ARFGEF2: variants seen among roughly 807,000 people sequenced by gnomAD.
ARFGEF2 encodes brefeldin A-inhibited guanine nucleotide-exchange protein 2.
A neutral mutation model predicts 219.9 loss-of-function variants in ARFGEF2; 74 were observed. That is an observed-to-expected ratio of 0.34 (90% confidence interval 0.28 to 0.41). ARFGEF2 has a LOEUF of 0.41. ARFGEF2 is among the 10% of genes least tolerant of loss of function. ARFGEF2 has a pLI of 1.00. For synonymous variants in ARFGEF2, 733 were observed against 799.2 expected (o/e 0.92, Z 1.40); for missense variants, 1,743 against 2,218.3 (o/e 0.79, Z 4.30).
In ARFGEF2 at chr20:48,972,436, C is replaced by T. The variant is rs776828829; in HGVS notation, c.1525+11C>T. The stretch of plus-strand genomic sequence containing the variant: ...CGAGGATCTGTGCAGGTATTTCCAC[C>T]TGGGGACACTCATCCACTGGACTTC... On this transcript the variant is annotated intron_variant, in intron 11 of 38. Transcript: ENST00000371917. The T allele has an allele frequency of 3.1e-6, 5 of 1,595,098 alleles. No homozygotes were observed. The highest frequency in any genetic ancestry group is 2.7e-5 in the African/African-American group (2 of 74,500).
In ARFGEF2 at chr20:49,035,730, C is replaced by T. The variant is rs1259602857; in HGVS notation, c.*2531C>T. ...AGTGTTGATTATATGTGCTGGGTCT[C>T]TAGAGAAGTTTTTATTTGTTACAAT... is the stretch of plus-strand genomic sequence containing the variant. On this transcript the variant is annotated 3_prime_UTR_variant, in exon 39 of 39. Transcript: ENST00000371917. The T allele has an allele frequency of 6.5e-6, 1 of 153,368 alleles. No homozygotes were observed. The highest frequency in any genetic ancestry group is 1.5e-5 in the Non-Finnish European group (1 of 68,936). 9.5% of individuals were successfully genotyped at this position (153,368 alleles called of 1,614,324 possible).
chr20:48,974,802 G>A lies in ARFGEF2; in HGVS notation c.1702G>A (p.Val568Met), dbSNP rs1555810703. Reference sequence around the variant, plus strand: ...GAGGAAGAAAGGCCTGGAGTGCCTCGTGTCCATTCTCAAGTGCATGGTGGA... The same window carrying A: ...GAGGAAGAAAGGCCTGGAGTGCCTCATGTCCATTCTCAAGTGCATGGTGGA... Reference protein sequence around the residue: ...SLRKKGLECLVSILKCMVEWS... With the variant: ...SLRKKGLECLMSILKCMVEWS... The change falls in exon 13 of 39, where the codon GTG (valine) becomes ATG (methionine). Residue 568 changes from valine to methionine, a missense_variant. Val to Met is a conservative substitution (Grantham distance 21). Around this residue, in one of 5 missense-constraint regions of ARFGEF2, gnomAD observed 666 missense variants for 955.4 expected, o/e 0.70. Transcript: ENST00000371917. 5 of 1,613,886 alleles carry A rather than the reference G, an allele frequency of 3.1e-6. No individual in the cohort carries two copies. Among genetic ancestry groups the A allele is most frequent in the Non-Finnish European group, 4.2e-6 (5 of 1,179,912 alleles).
chr20:48,940,334 A>G (rs1261515244), intron 1 of ARFGEF2, among the ~76,000 whole-genome samples: 1 of 152,238 alleles, frequency 6.6e-6, no homozygotes, highest in East Asian at 1.9e-4. Flanking sequence ...GGTTATGTAT[A>G]TTTTATTATA....
chr20:48,922,028 G>A lies in ARFGEF2; in HGVS notation c.121+18G>A. On this transcript the variant is annotated intron_variant, in intron 1 of 38. Transcript: ENST00000371917. ...GGCGCTCGGTGGGTGAGCCGCTCCCGCCCTGCCCCGCGCTGGCCTCAGCAC... is the reference window on the plus strand; with the variant it reads ...GGCGCTCGGTGGGTGAGCCGCTCCCACCCTGCCCCGCGCTGGCCTCAGCAC... 1 of 1,563,220 alleles carries A rather than the reference G, an allele frequency of 6.4e-7. No homozygotes were observed. The highest frequency in any genetic ancestry group is 1.2e-5 in the South Asian group (1 of 85,308).
chr20:49,023,218 C>T (rs774773794), intron 35 of ARFGEF2, 37 bp downstream of exon 35: 17 of 1,612,768 alleles, frequency 1.1e-5, no homozygotes, highest in Admixed American at 1.7e-5. Flanking sequence ...CATCCCTGTC[C>T]ATAGGGAGGT....
At chr20:48,972,903 G>GA (rs1200898327) in intron 11 of ARFGEF2, among the ~76,000 whole-genome samples, 1 of 152,150 alleles carries the variant, frequency 6.6e-6, no homozygotes, top group Non-Finnish European at 1.5e-5. Flanking sequence ...TCCTTGATGA[G>GA]AAAATTGAGG....
intron 34 of ARFGEF2, among the ~76,000 whole-genome samples, chr20:49,020,254 A>C (rs1198285151): frequency 2.6e-5 from 4 of 152,216 alleles, no homozygotes; most frequent in African/African-American, 9.6e-5. Context: ...CATAGCTGTT[A>C]ACATTGAAGT....
chr20:48,992,334 A>G (rs1211616940), intron 21 of ARFGEF2, among the ~76,000 whole-genome samples: 3 of 152,152 alleles, frequency 2.0e-5, no homozygotes, highest in Non-Finnish European at 2.9e-5. Context: ...TCTGCCATCT[A>G]CATGTATTAC....
chr20:48,999,087 A>C (rs1041721230), intron 25 of ARFGEF2, among the ~76,000 whole-genome samples: 2 of 152,018 alleles, frequency 1.3e-5, no homozygotes, highest in East Asian at 3.9e-4. Context: ...AATGCAAAAA[A>C]ATTAGCTGGG....
chr20:49,032,319 G>C (rs1022688), intron 38 of ARFGEF2, among the ~76,000 whole-genome samples, 153 bp downstream of exon 38: 4 of 151,786 alleles, frequency 2.6e-5, no homozygotes, highest in African/African-American at 4.9e-5. Context: ...AAGTTAATCC[G>C]TTATGGACAA....
chr20:48,995,817 G>A lies in ARFGEF2; in HGVS notation c.3156G>A (p.Gln1052=), dbSNP rs1368856239. Residue 1052 remains glutamine, a synonymous_variant, in exon 23 of 39, where the codon CAG becomes CAA. Transcript: ENST00000371917. ...NLVSGGVDKR[Q]MASFQESVGE... ...TGAGTGGCGGAGTGGATAAAAGACAGATGGCCAGCTTCCAAGAATCGGTTG... is the reference window on the plus strand; with the variant it reads ...TGAGTGGCGGAGTGGATAAAAGACAAATGGCCAGCTTCCAAGAATCGGTTG... 1 of 1,614,202 alleles carries A rather than the reference G, an allele frequency of 6.2e-7. No homozygotes were observed. The highest frequency in any genetic ancestry group is 1.7e-5 in the Admixed American group (1 of 60,018).
At position 48,921,819 on chromosome 20, in the gene ARFGEF2, C is replaced by T; in HGVS notation, c.-71C>T. 1.5e-6 allele frequency: 2 copies of T among 1,323,160 alleles called. No individual in the cohort carries two copies. Among genetic ancestry groups the T allele is most frequent in the South Asian group, 1.9e-5 (1 of 53,350 alleles). 82.0% of individuals were successfully genotyped at this position (1,323,160 alleles called of 1,614,324 possible). A position where few individuals can be genotyped will look rare whatever the true frequency, so the allele number is the denominator to read the frequency against. Reference sequence around the variant, plus strand: ...GCCGGTGCCGGCCGGGACGCCGGGCCCGCAGCCTAGCTCGCCATCTCGCTC... The same window carrying T: ...GCCGGTGCCGGCCGGGACGCCGGGCTCGCAGCCTAGCTCGCCATCTCGCTC... On this transcript the variant is annotated 5_prime_UTR_variant, in exon 1 of 39. Coordinates refer to ENST00000371917, the MANE Select transcript of ARFGEF2 (RefSeq NM_006420.3).
chr20:49,006,018 G>C (rs900034013), intron 26 of ARFGEF2, among the ~76,000 whole-genome samples: 3 of 151,996 alleles, frequency 2.0e-5, no homozygotes, highest in African/African-American at 7.2e-5. Context: ...GTGTTTGGCC[G>C]GGCGCGGTGG....
intron 1 of ARFGEF2, among the ~76,000 whole-genome samples, chr20:48,937,195 G>A (rs2090963898): frequency 6.6e-6 from 1 of 152,204 alleles, no homozygotes; most frequent in Admixed American, 6.5e-5. Context: ...ATTATTAGCA[G>A]TAACTTCCTG....
intron 10 of ARFGEF2, 140 bp from the exon 11 acceptor site, chr20:48,972,186 G>A: frequency 1.4e-6 from 1 of 691,060 alleles, no homozygotes; most frequent in South Asian, 1.5e-5. Flanking sequence ...TTGCTGCCCA[G>A]CCAGGTGGGC....
rs756511911 is a variant in ARFGEF2 at position 48,951,505 on chromosome 20, TAGAA to T, written c.423+39_423+42del. ...TTGTTTGCCTGTCTGGTTTTTAAATTAGAAAGCAAGTCCCTGTGGGAATCTGGAT... is the reference window on the plus strand; with the variant it reads ...TTGTTTGCCTGTCTGGTTTTTAAATTAGCAAGTCCCTGTGGGAATCTGGAT... On this transcript the variant is annotated intron_variant, in intron 4 of 38. Coordinates refer to ENST00000371917, the MANE Select transcript of ARFGEF2 (RefSeq NM_006420.3). 9.3e-6 allele frequency: 15 copies of T among 1,613,744 alleles called. No homozygotes were observed. In the East Asian group the frequency reaches 3.1e-4, roughly 34 times the overall value.
chr20:48,965,605 A>G (rs1213521138), intron 7 of ARFGEF2, among the ~76,000 whole-genome samples: 3 of 152,174 alleles, frequency 2.0e-5, no homozygotes, highest in African/African-American at 7.2e-5. Context: ...GCTGCATTGC[A>G]CAGTTCTGGA....
chr20:48,921,839 TC>T lies in ARFGEF2; in HGVS notation c.-50del. 6.9e-7 allele frequency: 1 copy of T among 1,459,290 alleles called. No individual in the cohort carries two copies. The highest frequency in any genetic ancestry group is 9.1e-7 in the Non-Finnish European group (1 of 1,098,064). The allele number at this position is 1,459,290 out of a possible 1,614,324, so 90.4% of individuals were successfully genotyped here. On this transcript the variant is annotated 5_prime_UTR_variant, in exon 1 of 39. Transcript: ENST00000371917. ...CGGGCCCGCAGCCTAGCTCGCCATC[TC>T]GCTCACGCCGCCCGCCCGCGGGGCC...
intron 21 of ARFGEF2, 75 bp from the exon 22 acceptor site, chr20:48,994,376 A>G: frequency 1.3e-6 from 2 of 1,590,308 alleles, no homozygotes; most frequent in Middle Eastern, 1.7e-4. Flanking sequence ...TTTTTTAATG[A>G]CTAACTTAAG....
Sources: gnomAD v4.1 joint callset for allele counts (sites outside exome capture counted in the v4.1 genomes callset) on GRCh38, gnomAD v4.1.1 for gene constraint, gnomAD v4.1.1 regional missense constraint, MANE v1.5 for transcripts, NCBI Gene and HGNC (gene_info 2026-07-23, HGNC 2026-07-21) for gene names.